ANKRD30A: variants seen among roughly 807,000 people sequenced by gnomAD.
The protein encoded by ANKRD30A is ankyrin repeat domain 30A.
A neutral mutation model predicts 166.3 loss-of-function variants in ANKRD30A; 170 were observed. The observed-to-expected ratio is 1.02, with a 90% CI of 0.90 to 1.16. ANKRD30A has a LOEUF of 1.16. Ranked by LOEUF, ANKRD30A falls within the 50% of genes most tolerant of loss-of-function variation. The probability of loss-of-function intolerance (pLI) is 0.00; values close to 1 mark genes in which losing one functional copy is unlikely to be tolerated. For synonymous variants in ANKRD30A, 564 were observed against 508.9 expected (o/e 1.11, Z -1.46); for missense variants, 1,630 against 1,518.0 (o/e 1.07, Z -1.23).
chr10:37,249,467 G>A, the ANKRD30A span, among the ~76,000 whole-genome samples: 1 of 151,550 alleles, frequency 6.6e-6, no homozygotes, highest in African/African-American at 2.4e-5. Context: ...TTTTTTTTTG[G>A]TAGTGAGGTC....
chr10:37,134,257 A>G (rs1044703726), intron 5 of ANKRD30A, among the ~76,000 whole-genome samples: 10 of 152,076 alleles, frequency 6.6e-5, no homozygotes, highest in Admixed American at 2.0e-4. Flanking sequence ...TGATTTTTCT[A>G]ATTAGTTATT....
the ANKRD30A span, among the ~76,000 whole-genome samples, chr10:37,263,154 T>G: frequency 6.6e-6 from 1 of 151,914 alleles, no homozygotes; most frequent in East Asian, 1.9e-4. Context: ...TGTTTGTTTC[T>G]CATGAAGTGT....
At chr10:37,137,354 C>G (rs902218889) in intron 6 of ANKRD30A, among the ~76,000 whole-genome samples, 1 of 152,134 alleles carries the variant, frequency 6.6e-6, no homozygotes, top group African/African-American at 2.4e-5. Context: ...GTTCATCTCA[C>G]TGGACAGTGT....
At chr10:37,240,859 A>G in the ANKRD30A span, 1 of 152,146 alleles carries the variant, frequency 6.6e-6, no homozygotes, top group African/African-American at 2.4e-5. Context: ...TTTTCAGGTT[A>G]TATAATAGTA....
At chr10:37,162,375 A>G (rs1838978460) in intron 15 of ANKRD30A, among the ~76,000 whole-genome samples, 1 of 152,178 alleles carries the variant, frequency 6.6e-6, no homozygotes, top group Non-Finnish European at 1.5e-5. Flanking sequence ...CAGCTTTGAC[A>G]TTTATTTTCT....
chr10:37,258,582 C>A, the ANKRD30A span, among the ~76,000 whole-genome samples: 1 of 151,466 alleles, frequency 6.6e-6, no homozygotes, highest in African/African-American at 2.4e-5. Flanking sequence ...AAGAATTTGA[C>A]CCCTATCTTA....
downstream of ANKRD30A, among the ~76,000 whole-genome samples, chr10:37,237,460 T>C (rs562647448): frequency 3.1e-4 from 47 of 152,346 alleles, no homozygotes; most frequent in Non-Finnish European, 6.0e-4. Flanking sequence ...TCATTATCCC[T>C]TAATACTGCT....
Position 37,199,805 on chromosome 10 carries a change from A to AT in ANKRD30A, c.2778+24dup, listed in dbSNP as rs35278092. 4.1e-6 allele frequency: 6 copies of AT among 1,450,038 alleles called. No homozygotes were observed. Among genetic ancestry groups the AT allele is most frequent in the South Asian group, 1.2e-5 (1 of 84,006 alleles). The allele number at this position is 1,450,038 out of a possible 1,614,324, so 89.8% of individuals were successfully genotyped here. ...GATTCTGAGGTACTATGTGTTATTG[A>AT]TTTTTTTAAATATTAGTATTGCATG... On this transcript the variant is annotated intron_variant, in intron 30 of 35. Coordinates refer to ENST00000361713, the MANE Select transcript of ANKRD30A (RefSeq NM_052997.3).
At chr10:37,228,140 A>G (rs1465637942) in intron 34 of ANKRD30A, among the ~76,000 whole-genome samples, 1 of 152,032 alleles carries the variant, frequency 6.6e-6, no homozygotes, top group East Asian at 1.9e-4. Flanking sequence ...TATTCAAAGA[A>G]AAAGTTTCAG....
At chr10:37,237,193 G>A (rs545700161), downstream of ANKRD30A, among the ~76,000 whole-genome samples, 5 of 152,246 alleles carry the variant, frequency 3.3e-5, no homozygotes, top group South Asian at 4.1e-4. Flanking sequence ...AGTCTCAGAC[G>A]GAAGACCTAA....
intron 13 of ANKRD30A, among the ~76,000 whole-genome samples, chr10:37,155,068 A>G (rs1430602549): frequency 6.6e-6 from 1 of 152,202 alleles, no homozygotes; most frequent in Admixed American, 6.5e-5. Context: ...AACATGATAC[A>G]CGAAACCAGA....
rs767706646 is a variant in ANKRD30A at position 37,133,983 on chromosome 10, G to T, written c.685G>T (p.Val229Phe). ...EIVGMLLQQNVDVFAADICGV... is the reference protein window; with the variant it reads ...EIVGMLLQQNFDVFAADICGV... ...AGTTGGCATGCTTCTTCAGCAAAAT[G>T]TTGACGTCTTTGCTGCAGATATATG... The change falls in exon 5 of 36, where the codon GTT becomes TTT. Residue 229 changes from valine to phenylalanine, a missense_variant. Around this residue, in one of 4 missense-constraint regions of ANKRD30A, gnomAD observed 904 missense variants for 818.5 expected, o/e 1.10. Transcript: ENST00000361713. 9 of 1,614,064 alleles carry T rather than the reference G, an allele frequency of 5.6e-6. No homozygotes were observed. The South Asian group carries it at 8.8e-5, about 16-fold the overall frequency.
At chr10:37,164,133 G>A (rs1221233468) in intron 17 of ANKRD30A, among the ~76,000 whole-genome samples, 1 of 146,878 alleles carries the variant, frequency 6.8e-6, no homozygotes, top group Non-Finnish European at 1.5e-5. Flanking sequence ...TTGAAACCAG[G>A]TATACAGTTG....
In ANKRD30A at chr10:37,166,667, A is replaced by T. The variant is rs1308138121; in HGVS notation, c.2127A>T (p.Glu709Asp). The change falls in exon 19 of 36, where the codon GAA becomes GAT. Residue 709 changes from glutamate (E) to aspartate (D), a missense_variant. Coordinates refer to ENST00000361713, the MANE Select transcript of ANKRD30A (RefSeq NM_052997.3). ...TACCCAAGGCTGCGCATCAAAAAGAAATAGATAAAATAAATGGAAAATTAG... is the reference window on the plus strand; with the variant it reads ...TACCCAAGGCTGCGCATCAAAAAGATATAGATAAAATAAATGGAAAATTAG... ...VCLPKAAHQK[E>D]IDKINGKLEG... The T allele has an allele frequency of 3.8e-6, 6 of 1,590,482 alleles. No individual in the cohort carries two copies. The highest frequency in any genetic ancestry group is 4.5e-5 in the East Asian group (2 of 44,674).
At chr10:37,126,051 G>A (rs762321056) in intron 1 of ANKRD30A, 43 bp downstream of exon 1, 4 of 1,600,064 alleles carry the variant, frequency 2.5e-6, no homozygotes, top group African/African-American at 2.7e-5. Context: ...AGGAGGTGGG[G>A]GCGGTGGGAG....
intron 34 of ANKRD30A, among the ~76,000 whole-genome samples, chr10:37,226,842 G>A (rs1015796648): frequency 6.6e-6 from 1 of 151,790 alleles, no homozygotes; most frequent in African/African-American, 2.4e-5. Flanking sequence ...ATTTTTACCA[G>A]GAAAGATTCC....
intron 15 of ANKRD30A, among the ~76,000 whole-genome samples, chr10:37,160,020 A>G (rs1463269797): frequency 6.6e-6 from 1 of 152,154 alleles, no homozygotes; most frequent in Non-Finnish European, 1.5e-5. Flanking sequence ...TTTTCAATAA[A>G]TGGTTGTACA....
chr10:37,131,939 T>C (rs1200892355), intron 3 of ANKRD30A, among the ~76,000 whole-genome samples: 2 of 152,136 alleles, frequency 1.3e-5, no homozygotes, highest in Non-Finnish European at 2.9e-5. Context: ...GGTTTAAGGA[T>C]ATAGAGATAA....
intron 27 of ANKRD30A, among the ~76,000 whole-genome samples, chr10:37,193,721 T>C (rs1442300817): frequency 2.6e-5 from 4 of 152,248 alleles, no homozygotes; most frequent in South Asian, 2.1e-4. Context: ...GTGTGACTTA[T>C]AATTTTAAAA....
Sources: allele counts gnomAD v4.1 joint callset (sites outside exome capture counted in the v4.1 genomes callset), GRCh38; gene constraint gnomAD v4.1.1; regional missense constraint gnomAD v4.1.1; transcripts MANE v1.5; gene names NCBI Gene and HGNC (gene_info 2026-07-23, HGNC 2026-07-21).